The following PTPRD variants were observed in gnomAD, a reference collection of about 807,000 sequenced individuals.
PTPRD encodes receptor-type tyrosine-protein phosphatase delta.
PTPRD carries 34 observed loss-of-function variants against 214.5 expected under a neutral mutation model. The observed-to-expected ratio is 0.16, with a 90% CI of 0.12 to 0.21. PTPRD has a LOEUF of 0.21. Ranked by LOEUF, PTPRD falls within the 10% of genes least tolerant of loss-of-function variation. The probability of loss-of-function intolerance (pLI) is 1.00; values close to 1 mark genes in which losing one functional copy is unlikely to be tolerated. For synonymous variants in PTPRD, 1,128 were observed against 845.7 expected (o/e 1.33, Z -5.79); for missense variants, 2,545 against 2,398.7 (o/e 1.06, Z -1.27).
intron 11 of PTPRD, among the ~76,000 whole-genome samples, chr9:8,934,502 T>TAA (rs1384317437): frequency 0.015 from 360 of 24,522 alleles, 24 homozygotes; most frequent in African/African-American, 0.049. Context: ...TAAATATATA[T>TAA]ATAAATATAT....
Position 8,314,795 on chromosome 9 carries a change from C to G in PTPRD, c.*3079G>C, listed in dbSNP as rs1459931299. 4.3e-6 allele frequency: 1 copy of G among 232,074 alleles called. No homozygotes were observed. The highest frequency in any genetic ancestry group is 6.0e-5 in the East Asian group (1 of 16,534). 14.4% of individuals were successfully genotyped at this position (232,074 alleles called of 1,614,324 possible). A position where few individuals can be genotyped will look rare whatever the true frequency, so the allele number is the denominator to read the frequency against. On this transcript the variant is annotated 3_prime_UTR_variant, in exon 46 of 46. Transcript: ENST00000381196. ...CACAAATGAATTTCCGAAGCAGTTTCTTACAGATGGGTTCAAGTAATATCA... is the reference window on the plus strand; with the variant it reads ...CACAAATGAATTTCCGAAGCAGTTTGTTACAGATGGGTTCAAGTAATATCA...
chr9:10,304,516 T>C (rs1291397030), intron 3 of PTPRD, among the ~76,000 whole-genome samples: 1 of 152,128 alleles, frequency 6.6e-6, no homozygotes, highest in Non-Finnish European at 1.5e-5. Flanking sequence ...GGAAACCCCA[T>C]CGTCTCAGCC....
chr9:9,717,584 A>G (rs1295106980), intron 7 of PTPRD, among the ~76,000 whole-genome samples: 1 of 152,202 alleles, frequency 6.6e-6, no homozygotes. Flanking sequence ...AGTTTTGAAA[A>G]CAGCAGACAT....
rs148021033 is a variant in PTPRD, at chr9:9,557,909, C to G, written c.-237+16823G>C. On this transcript the variant is annotated intron_variant, in intron 8 of 45. Coordinates refer to ENST00000381196, the MANE Select transcript of PTPRD (RefSeq NM_002839.4). ...TTTATTCAGCGGCAGCTCTCTTACA[C>G]AGCTTACTTAAACTAGCTTTCTCAT... is the stretch of plus-strand genomic sequence containing the variant. Among the ~76,000 whole-genome samples the G allele has an allele frequency of 7.1e-3, 1,075 of 152,304 alleles. 8 individuals are homozygous for G. The highest frequency in any genetic ancestry group is 0.01 in the Non-Finnish European group (697 of 68,024).
chr9:9,795,793 C>G (rs1005716676), intron 5 of PTPRD, among the ~76,000 whole-genome samples: 3 of 152,104 alleles, frequency 2.0e-5, no homozygotes, highest in Non-Finnish European at 4.4e-5. Flanking sequence ...TGTCTTACCA[C>G]ATCTGACACA....
At chr9:10,052,774 T>A (rs923277161) in intron 3 of PTPRD, among the ~76,000 whole-genome samples, 3 of 152,150 alleles carry the variant, frequency 2.0e-5, no homozygotes, top group Non-Finnish European at 4.4e-5. Flanking sequence ...CTTCAAAATG[T>A]ATCCATCTAT....
At chr9:9,586,109 G>T in intron 7 of PTPRD, among the ~76,000 whole-genome samples, 1 of 151,928 alleles carries the variant, frequency 6.6e-6, no homozygotes, top group East Asian at 1.9e-4. Flanking sequence ...GGCTAGTTGC[G>T]GTGGAGGTGG....
intron 37 of PTPRD, among the ~76,000 whole-genome samples, chr9:8,379,114 C>G (rs2084155935): frequency 6.6e-6 from 1 of 152,078 alleles, no homozygotes; most frequent in African/African-American, 2.4e-5. Flanking sequence ...GAAAAATAAA[C>G]ATTTCAAACT....
At position 10,343,731 on chromosome 9, in the gene PTPRD, T is replaced by C. The variant is rs368435098; in HGVS notation, c.-599-2714A>G. ...TTTGCATTTCTCTGATGGCCAGTGATGATGAGCATTATTTTCATGTGTCTG... is the reference window on the plus strand; with the variant it reads ...TTTGCATTTCTCTGATGGCCAGTGACGATGAGCATTATTTTCATGTGTCTG... On this transcript the variant is annotated intron_variant, in intron 2 of 45. Coordinates refer to ENST00000381196, the MANE Select transcript of PTPRD (RefSeq NM_002839.4). Among the ~76,000 whole-genome samples the C allele has an allele frequency of 6.0e-5, 9 of 151,006 alleles. No individual in the cohort carries two copies. The East Asian group carries it at 1.5e-3, about 26-fold the overall frequency.
chr9:9,334,535 G>A (rs2043658835), intron 9 of PTPRD, among the ~76,000 whole-genome samples: 1 of 151,916 alleles, frequency 6.6e-6, no homozygotes, highest in Non-Finnish European at 1.5e-5. Context: ...GGAAGATCAG[G>A]AAGAAATCAG....
intron 3 of PTPRD, among the ~76,000 whole-genome samples, chr9:10,191,715 A>G (rs955353207): frequency 3.9e-4 from 60 of 152,252 alleles, no homozygotes; most frequent in African/African-American, 1.3e-3. Flanking sequence ...TAATCTTTCT[A>G]TGATTTCCCC....
chr9:9,082,491 C>G (rs1014076608), intron 10 of PTPRD, among the ~76,000 whole-genome samples: 2 of 151,454 alleles, frequency 1.3e-5, no homozygotes, highest in African/African-American at 4.8e-5. Context: ...ACCTAAGACA[C>G]AAGACAAGGG....
chr9:9,470,094 A>ACTTTATTAC (rs2094488053), intron 8 of PTPRD, among the ~76,000 whole-genome samples: 3 of 152,182 alleles, frequency 2.0e-5, no homozygotes, highest in Non-Finnish European at 4.4e-5. Context: ...AGCTGTAATA[A>ACTTTATTAC]AGTGCCAGTG....
intron 10 of PTPRD, among the ~76,000 whole-genome samples, chr9:9,167,075 T>C (rs35004155): frequency 0.19 from 28,372 of 152,052 alleles, 2,842 homozygotes; most frequent in Admixed American, 0.27. Context: ...AAAGAATATG[T>C]TAAAGGTCAC....
At chr9:9,039,994 T>C (rs2099634396) in intron 10 of PTPRD, among the ~76,000 whole-genome samples, 1 of 149,966 alleles carries the variant, frequency 6.7e-6, no homozygotes, top group Non-Finnish European at 1.5e-5. Flanking sequence ...TTTTTTTTTC[T>C]GGCAGCATTT....
intron 10 of PTPRD, among the ~76,000 whole-genome samples, chr9:9,153,935 T>C (rs2099879021): frequency 6.6e-6 from 1 of 152,162 alleles, no homozygotes; most frequent in Non-Finnish European, 1.5e-5. Context: ...CTGCAAATAT[T>C]CACTACTCCC....
chr9:8,436,776 G>A, intron 34 of PTPRD, 87 bp from the exon 35 acceptor site: 1 of 1,027,712 alleles, frequency 9.7e-7, no homozygotes, highest in Non-Finnish European at 1.5e-6. Context: ...ACTATAGTTA[G>A]AAATGGCCTG....
rs60640051 is a variant in PTPRD at position 9,867,094 on chromosome 9, G to T, written c.-368+71413C>A. Among the ~76,000 whole-genome samples, 632 of 152,172 alleles carry T rather than the reference G, an allele frequency of 4.2e-3. 5 individuals are homozygous for T. The highest frequency in any genetic ancestry group is 0.014 in the African/African-American group (583 of 41,534). On this transcript the variant is annotated intron_variant, in intron 5 of 45. Coordinates refer to ENST00000381196, the MANE Select transcript of PTPRD (RefSeq NM_002839.4). The stretch of plus-strand genomic sequence containing the variant: ...AAGGGTTTCTTTACAAAATCATAGA[G>T]GTTCACCTATGCTACTGTTCCAATT...
In PTPRD at chr9:9,272,904, C is replaced by G. The variant is rs377752759; in HGVS notation, c.-202-89541G>C. Reference sequence around the variant, plus strand: ...AATATTTTCAGGGGAAACAGCAACACTGCACATACAAGCTTGAGGTAATTT... The same window carrying G: ...AATATTTTCAGGGGAAACAGCAACAGTGCACATACAAGCTTGAGGTAATTT... On this transcript the variant is annotated intron_variant, in intron 9 of 45. Transcript: ENST00000381196. Among the ~76,000 whole-genome samples the G allele has an allele frequency of 1.4e-3, 205 of 151,390 alleles. 3 individuals carry two copies. In the South Asian group the frequency reaches 0.041, roughly 30 times the overall value.
Sources: gnomAD v4.1 joint callset for allele counts (sites outside exome capture counted in the v4.1 genomes callset) on GRCh38, gnomAD v4.1.1 for gene constraint, MANE v1.5 for transcripts, NCBI Gene and HGNC (gene_info 2026-07-23, HGNC 2026-07-21) for gene names.